Variants in MGMT observed in about 807,000 individuals in gnomAD.
MGMT encodes the protein methylated-DNA--protein-cysteine methyltransferase.
A neutral mutation model predicts 15.9 loss-of-function variants in MGMT; 14 were observed. The ratio of observed to expected loss-of-function variants is 0.88; its 90% CI spans 0.58 to 1.37. The LOEUF (loss-of-function observed/expected upper bound fraction) is 1.37, where lower values mean the gene tolerates loss of function less well. Among genes scored for constraint, MGMT ranks in the 40% most tolerant of loss-of-function variants. MGMT has a pLI of 0.00. For synonymous variants in MGMT, 130 were observed against 118.2 expected, an observed-to-expected ratio of 1.10 and a Z score of -0.65; for missense variants, 282 against 268.1, an observed-to-expected ratio of 1.05 and a Z score of -0.36.
Position 129,471,471 on chromosome 10 carries a change from G to T in MGMT, c.-13+4175G>T, listed in dbSNP as rs936492417. ...CAAGAGGACTCCGGTGGGCAGCCGG[G>T]GATATCATGTTCAGGTGTCTCTCCT... On this transcript the variant is annotated intron_variant, in intron 1 of 4. Coordinates refer to ENST00000651593, the MANE Select transcript of MGMT (RefSeq NM_002412.5). Among the ~76,000 whole-genome samples, 8 of 152,094 alleles carry T rather than the reference G, an allele frequency of 5.3e-5. No individual in the cohort carries two copies. In the Middle Eastern group the frequency reaches 0.01, roughly 194 times the overall value.
chr10:129,526,025 G>A (rs1845865834), intron 1 of MGMT, among the ~76,000 whole-genome samples: 1 of 152,162 alleles, frequency 6.6e-6, no homozygotes, highest in Non-Finnish European at 1.5e-5. Context: ...GGTTGTGAGA[G>A]CAGAATGAAC....
chr10:129,587,041 T>C (rs1008701593), intron 2 of MGMT, among the ~76,000 whole-genome samples: 1 of 152,244 alleles, frequency 6.6e-6, no homozygotes, highest in Non-Finnish European at 1.5e-5. Flanking sequence ...TTTCCTTTTC[T>C]TAAAGATCTT....
At chr10:129,502,639 C>T (rs1845586143) in intron 1 of MGMT, among the ~76,000 whole-genome samples, 2 of 152,046 alleles carry the variant, frequency 1.3e-5, no homozygotes, top group Non-Finnish European at 2.9e-5. Context: ...TGAATTTTTT[C>T]CCCTGCATGA....
intron 1 of MGMT, among the ~76,000 whole-genome samples, chr10:129,487,060 C>T (rs1291404284): frequency 6.6e-6 from 1 of 152,162 alleles, no homozygotes; most frequent in African/African-American, 2.4e-5. Flanking sequence ...TCCTGGGCTA[C>T]TTGGATAGCT....
intron 2 of MGMT, among the ~76,000 whole-genome samples, chr10:129,636,063 TTC>T (rs1847261391): frequency 6.6e-6 from 1 of 152,268 alleles, no homozygotes; most frequent in Non-Finnish European, 1.5e-5. Flanking sequence ...CTGAGTTATC[TTC>T]TTTTTCTTTT....
chr10:129,580,323 T>G (rs765857751), intron 2 of MGMT, among the ~76,000 whole-genome samples: 3 of 152,202 alleles, frequency 2.0e-5, no homozygotes, highest in Non-Finnish European at 2.9e-5. Context: ...TGGTTTAATC[T>G]GATTTAATCT....
intron 3 of MGMT, 143 bp from the exon 4 acceptor site, chr10:129,759,059 C>A (rs1329603637): frequency 9.8e-7 from 1 of 1,017,388 alleles, no homozygotes; most frequent in Non-Finnish European, 1.5e-6. Flanking sequence ...ATGGTGGCAG[C>A]AGTGCATGGA....
chr10:129,714,780 C>T (rs976217231), intron 3 of MGMT, among the ~76,000 whole-genome samples: 3 of 152,038 alleles, frequency 2.0e-5, no homozygotes, highest in South Asian at 2.1e-4. Context: ...AATGTTTTGC[C>T]GTTGAGGAAA....
intron 2 of MGMT, among the ~76,000 whole-genome samples, chr10:129,563,236 T>G (rs1361738366): frequency 6.6e-6 from 1 of 152,236 alleles, no homozygotes; most frequent in Non-Finnish European, 1.5e-5. Context: ...GAGTGCCTGT[T>G]ACGTGCTGGC....
At chr10:129,728,129 A>G (rs1364124581) in intron 3 of MGMT, among the ~76,000 whole-genome samples, 1 of 152,112 alleles carries the variant, frequency 6.6e-6, no homozygotes, top group East Asian at 1.9e-4. Context: ...TGAGAGAGGG[A>G]GGAGGGGACA....
chr10:129,663,564 T>C (rs1470569752), intron 2 of MGMT, among the ~76,000 whole-genome samples: 1 of 152,074 alleles, frequency 6.6e-6, no homozygotes, highest in Non-Finnish European at 1.5e-5. Context: ...GAAAAAAATT[T>C]AAACAGACAA....
chr10:129,563,780 C>T (rs1224076538), intron 2 of MGMT: 1 of 152,202 alleles, frequency 6.6e-6, no homozygotes, highest in Non-Finnish European at 1.5e-5. Context: ...GATTCACAGG[C>T]CCCTTCTGGT....
At chr10:129,579,612 G>A (rs1296607176) in intron 2 of MGMT, among the ~76,000 whole-genome samples, 1 of 152,196 alleles carries the variant, frequency 6.6e-6, no homozygotes, top group Non-Finnish European at 1.5e-5. Context: ...TATCTCAGCT[G>A]AGTGTCCGTG....
At chr10:129,616,259 CTT>C (rs1847025132) in intron 2 of MGMT, among the ~76,000 whole-genome samples, 1 of 152,176 alleles carries the variant, frequency 6.6e-6, no homozygotes, top group Non-Finnish European at 1.5e-5. Flanking sequence ...GCTTAGGAAT[CTT>C]GAAAGCTGCA....
At chr10:129,678,503 A>G (rs1847811079) in intron 2 of MGMT, among the ~76,000 whole-genome samples, 1 of 152,154 alleles carries the variant, frequency 6.6e-6, no homozygotes, top group South Asian at 2.1e-4. Context: ...GTTAGAAAGC[A>G]TGCATCACCT....
chr10:129,528,516 C>T lies in MGMT; in HGVS notation c.-12-7725C>T, dbSNP rs570861677. 5.6e-3 allele frequency among the ~76,000 whole-genome samples: 718 copies of T among 127,102 alleles called. 6 individuals carry two copies. The highest frequency in any genetic ancestry group is 0.02 in the African/African-American group (636 of 31,492). The allele number at this position is 127,102 out of a possible 152,430, so 83.4% of individuals were successfully genotyped here. A position where few individuals can be genotyped will look rare whatever the true frequency, so the allele number is the denominator to read the frequency against. ...GAGGCTGGAGTGTGAGGGGCAGTGG[C>T]GGGGGGAGCGGGGGCGTGGGTGCGA... On this transcript the variant is annotated intron_variant, in intron 1 of 4. Coordinates refer to ENST00000651593, the MANE Select transcript of MGMT (RefSeq NM_002412.5).
At chr10:129,691,603 C>CG (rs533978186) in intron 2 of MGMT, among the ~76,000 whole-genome samples, 149 of 152,196 alleles carry the variant, frequency 9.8e-4, no homozygotes, top group African/African-American at 3.4e-3. Flanking sequence ...CGGCGGTGGC[C>CG]GGGGGGAGCA....
At chr10:129,618,370 C>T (rs1022609261) in intron 2 of MGMT, among the ~76,000 whole-genome samples, 4 of 151,980 alleles carry the variant, frequency 2.6e-5, no homozygotes, top group East Asian at 1.9e-4. Context: ...CATTTTTCTG[C>T]TTGTCCTCAT....
chr10:129,544,666 A>ACCCCTGCCCCCTGC (rs56291680), intron 2 of MGMT, among the ~76,000 whole-genome samples: 1 of 151,780 alleles, frequency 6.6e-6, no homozygotes, highest in Non-Finnish European at 1.5e-5. Context: ...GGCCCTGTGG[A>ACCCCTGCCCCCTGC]CCCCTGCCCC....
Sources: allele counts gnomAD v4.1 joint callset (sites outside exome capture counted in the v4.1 genomes callset), GRCh38; gene constraint gnomAD v4.1.1; transcripts MANE v1.5; gene names NCBI Gene and HGNC (gene_info 2026-07-23, HGNC 2026-07-21).